ALB: variants seen among roughly 807,000 people sequenced by gnomAD.
ALB encodes albumin.
In ALB, 37 loss-of-function variants were observed where a neutral mutation model predicts 74.5. The observed-to-expected ratio is 0.50, with a 90% CI of 0.38 to 0.65. The LOEUF is 0.65. ALB is among the 30% of genes least tolerant of loss of function. The pLI, the probability that ALB is intolerant of heterozygous loss-of-function variation, is 0.00. For synonymous variants in ALB, 249 were observed against 251.6 expected, an observed-to-expected ratio of 0.99 and a Z score of 0.10; for missense variants, 685 against 718.7, an observed-to-expected ratio of 0.95 and a Z score of 0.54.
At chr4:73,417,819 G>A in intron 11 of ALB, 150 bp downstream of exon 11, 1 of 800,400 alleles carries the variant, frequency 1.2e-6, no homozygotes, top group African/African-American at 1.7e-5. Flanking sequence ...GTGTATGTGT[G>A]ATATTGGCAG....
In ALB at chr4:73,406,719, A is replaced by G. The variant is rs753746833; in HGVS notation, c.228A>G (p.Thr76=). ...ATGAAGTAACTGAATTTGCAAAAAC[A>G]TGTGTTGCTGATGAGTCAGCTGAAA... is the stretch of plus-strand genomic sequence containing the variant. ...LVNEVTEFAK[T]CVADESAENC... is the part of the protein sequence containing the mutation. Residue 76 remains threonine (T), a synonymous_variant, in exon 3 of 15, where the codon ACA becomes ACG. Transcript: ENST00000295897. The G allele has an allele frequency of 1.2e-6, 2 of 1,613,786 alleles. No individual in the cohort carries two copies. Among genetic ancestry groups the G allele is most frequent in the East Asian group, 2.2e-5 (1 of 44,814 alleles).
At chr4:73,415,197 T>C in intron 9 of ALB, 30 bp downstream of exon 9, 10 of 1,612,530 alleles carry the variant, frequency 6.2e-6, no homozygotes, top group Non-Finnish European at 8.5e-6. Context: ...AAAATGTAGT[T>C]CTTTGACTGA....
intron 9 of ALB, 196 bp downstream of exon 9, chr4:73,415,363 A>G (rs918438143): frequency 1.5e-6 from 1 of 657,462 alleles, no homozygotes; most frequent in African/African-American, 1.8e-5. Flanking sequence ...TAGTTAGAAT[A>G]GAAAGATCTG....
rs55667393 is a variant in ALB, at chr4:73,405,986, G to C, written c.138-643G>C. Among the ~76,000 whole-genome samples, 1,065 of 152,212 alleles carry C rather than the reference G, an allele frequency of 7.0e-3. 13 individuals carry two copies. Among genetic ancestry groups the C allele is most frequent in the African/African-American group, 0.025 (1,018 of 41,516 alleles). On this transcript the variant is annotated intron_variant, in intron 2 of 14. Transcript: ENST00000295897. ...AATTAAAGACGTGTGTGGGGATCAGGTGCGGTGGTTCACACCTGTAATCCC... is the reference window on the plus strand; with the variant it reads ...AATTAAAGACGTGTGTGGGGATCAGCTGCGGTGGTTCACACCTGTAATCCC...
intron 9 of ALB, chr4:73,415,399 G>T (rs1718988797): frequency 4.3e-6 from 2 of 469,204 alleles, no homozygotes; most frequent in South Asian, 3.1e-5. Context: ...AAAAAATTTT[G>T]ATCTTTTTTT....
intron 5 of ALB, among the ~76,000 whole-genome samples, chr4:73,409,765 T>C (rs1718826147): frequency 6.6e-6 from 1 of 152,196 alleles, no homozygotes; most frequent in Admixed American, 6.5e-5. Flanking sequence ...AGTGAAATAC[T>C]GAAACTTGTT....
At chr4:73,406,942 T>C in intron 3 of ALB, among the ~76,000 whole-genome samples, 181 bp downstream of exon 3, 1 of 152,220 alleles carries the variant, frequency 6.6e-6, no homozygotes, top group East Asian at 1.9e-4. Context: ...GCTTTAGCTA[T>C]GTCCACAGTT....
In ALB at chr4:73,415,036, T is replaced by A; in HGVS notation, c.1060T>A (p.Phe354Ile). The A allele has an allele frequency of 6.2e-7, 1 of 1,613,994 alleles. No homozygotes were observed. The highest frequency in any genetic ancestry group is 8.5e-7 in the Non-Finnish European group (1 of 1,179,916). The change falls in exon 9 of 15, where the codon TTT (phenylalanine) becomes ATT (isoleucine). Residue 354 changes from phenylalanine to isoleucine, a missense_variant and splice_region_variant. By Grantham distance (21) the Phe-to-Ile change is conservative. Transcript: ENST00000295897. Reference protein sequence around the residue: ...AEAKDVFLGMFLYEYARRHPD... With the variant: ...AEAKDVFLGMILYEYARRHPD... ...CTATTTTATTTTCATCTTAATTAGGTTTTTGTATGAATATGCAAGAAGGCA... is the reference window on the plus strand; with the variant it reads ...CTATTTTATTTTCATCTTAATTAGGATTTTGTATGAATATGCAAGAAGGCA...
At chr4:73,421,066 CTT>C (rs1165062050) in intron 14 of ALB, 24 bp from the exon 15 acceptor site, 2 of 682,730 alleles carry the variant, frequency 2.9e-6, no homozygotes, top group East Asian at 2.7e-5. Flanking sequence ...ACAAATAAGA[CTT>C]ATATTTGTCC....
intron 9 of ALB, among the ~76,000 whole-genome samples, chr4:73,415,995 C>CA (rs1459394906): frequency 6.6e-6 from 1 of 152,154 alleles, no homozygotes; most frequent in Non-Finnish European, 1.5e-5. Flanking sequence ...TAAAATTGCA[C>CA]AACTGAAGAA....
intron 3 of ALB, 53 bp from the exon 4 acceptor site, chr4:73,408,541 T>G: frequency 1.3e-6 from 2 of 1,484,794 alleles, no homozygotes. Context: ...GTTCTTTGGC[T>G]ATAAAGAAAA....
At chr4:73,405,593 A>ATT (rs577963316) in intron 2 of ALB, among the ~76,000 whole-genome samples, 1 of 143,162 alleles carries the variant, frequency 7.0e-6, no homozygotes, top group Admixed American at 7.0e-5. Flanking sequence ...GGAATATTTA[A>ATT]TTTTTTTTTT....
At position 73,408,492 on chromosome 4, in the gene ALB, C is replaced by T. The variant is rs560119759; in HGVS notation, c.271-102C>T. On this transcript the variant is annotated intron_variant, in intron 3 of 14. Transcript: ENST00000295897. ...GGGGAAGCGGATTTTTAAATGATTT[C>T]CTGACCAAGCTTAACCAGTATATTA... 5.9e-5 allele frequency: 62 copies of T among 1,050,760 alleles called. No homozygotes were observed. The African/African-American group carries it at 8.6e-4, about 15-fold the overall frequency. The allele number at this position is 1,050,760 out of a possible 1,614,324, so 65.1% of individuals were successfully genotyped here. A position where few individuals can be genotyped will look rare whatever the true frequency, so the allele number is the denominator to read the frequency against.
chr4:73,414,897 C>G, intron 8 of ALB, 138 bp from the exon 9 acceptor site: 1 of 1,040,100 alleles, frequency 9.6e-7, no homozygotes, highest in Non-Finnish European at 1.4e-6. Flanking sequence ...GACCCCAAGT[C>G]CTTAGCTACT....
At chr4:73,416,441 G>A in intron 10 of ALB, 88 bp downstream of exon 10, 1 of 934,038 alleles carries the variant, frequency 1.1e-6, no homozygotes. Context: ...GAACTTTTAA[G>A]AATGAAAATA....
Position 73,416,371 on chromosome 4 carries a change from A to C in ALB, c.1289+18A>C, listed in dbSNP as rs776697627. On this transcript the variant is annotated intron_variant, in intron 10 of 14. Transcript: ENST00000295897. ...CAGAATGCGTAAGTAATTTTTATTG[A>C]CTGATTTTTTTTATCAATTTGTAAT... is the stretch of plus-strand genomic sequence containing the variant. 4 of 1,573,476 alleles carry C rather than the reference A, an allele frequency of 2.5e-6. No individual in the cohort carries two copies. Among genetic ancestry groups the C allele is most frequent in the Non-Finnish European group, 2.6e-6 (3 of 1,148,690 alleles).
At chr4:73,410,273 T>A (rs1286273194) in intron 5 of ALB, 39 bp from the exon 6 acceptor site, 1 of 1,544,726 alleles carries the variant, frequency 6.5e-7, no homozygotes, top group Admixed American at 1.7e-5. Context: ...TCATGTAGAA[T>A]TTTTCTTCTA....
rs374771640 is a variant in ALB at position 73,404,585 on chromosome 4, T to TAA, written c.79+191_79+192dup. ...ATTAATAAAATTCAAACATCCTAGG[T>TAA]AAAAAAAAAAAAAGGTCAGAATTGT... is the stretch of plus-strand genomic sequence containing the variant. On this transcript the variant is annotated intron_variant, in intron 1 of 14. Coordinates refer to ENST00000295897, the MANE Select transcript of ALB (RefSeq NM_000477.7). Among the ~76,000 whole-genome samples the TAA allele has an allele frequency of 1.0e-3, 145 of 138,748 alleles. 2 individuals are homozygous for TAA. The highest frequency in any genetic ancestry group is 3.4e-3 in the African/African-American group (130 of 38,228). The allele number at this position is 138,748 out of a possible 152,430, so 91.0% of individuals were successfully genotyped here.
intron 2 of ALB, 71 bp downstream of exon 2, chr4:73,405,244 A>C: frequency 7.6e-7 from 1 of 1,313,138 alleles, no homozygotes; most frequent in South Asian, 1.2e-5. Context: ...AAGTGCTTAT[A>C]TTTCCTTGTC....
Sources: allele counts gnomAD v4.1 joint callset (sites outside exome capture counted in the v4.1 genomes callset), GRCh38; gene constraint gnomAD v4.1.1; transcripts MANE v1.5; gene names NCBI Gene and HGNC (gene_info 2026-07-23, HGNC 2026-07-21).